Variants in ERBB4 observed in about 807,000 individuals in gnomAD.
ERBB4 encodes the protein receptor tyrosine-protein kinase erbB-4.
Under a neutral mutation model 158.0 loss-of-function variants are expected in ERBB4, and 42 were observed. That is an observed-to-expected ratio of 0.27 (90% CI 0.21 to 0.34). The LOEUF is 0.34. Ranked by LOEUF, ERBB4 falls within the 10% of genes least tolerant of loss-of-function variation. The pLI is 1.00. For synonymous variants in ERBB4, 583 were observed against 558.7 expected, an observed-to-expected ratio of 1.04 and a Z score of -0.61; for missense variants, 1,333 against 1,624.1, an observed-to-expected ratio of 0.82 and a Z score of 3.08.
rs535386957 is a variant in ERBB4 at position 212,055,473 on chromosome 2, C to T, written c.234+69279G>A. 1.3e-4 allele frequency among the ~76,000 whole-genome samples: 20 copies of T among 152,342 alleles called. 1 individual carries two copies. The South Asian group carries it at 2.9e-3, about 22-fold the overall frequency. On this transcript the variant is annotated intron_variant, in intron 2 of 27. Coordinates refer to ENST00000342788, the MANE Select transcript of ERBB4 (RefSeq NM_005235.3). ...AGTCTGAGATCTGAGAATGGATAGA[C>T]AGCCCCCTCAAGTGGGTACCTGACC...
At chr2:212,493,299 TTATA>T (rs1283120102) in intron 1 of ERBB4, among the ~76,000 whole-genome samples, 5 of 151,550 alleles carry the variant, frequency 3.3e-5, no homozygotes, top group African/African-American at 4.8e-5. Flanking sequence ...AAAAATCATC[TTATA>T]TATATTCAAA....
chr2:212,228,539 G>T (rs1360170116), intron 1 of ERBB4, among the ~76,000 whole-genome samples: 1 of 152,078 alleles, frequency 6.6e-6, no homozygotes, highest in Non-Finnish European at 1.5e-5. Flanking sequence ...ATTTTTATGG[G>T]ACTATTGTAT....
At chr2:212,044,751 C>T (rs1327205757) in intron 2 of ERBB4, among the ~76,000 whole-genome samples, 4 of 152,048 alleles carry the variant, frequency 2.6e-5, no homozygotes, top group East Asian at 1.9e-4. Flanking sequence ...AAACTGATAC[C>T]CTTATAGTTC....
intron 1 of ERBB4, among the ~76,000 whole-genome samples, chr2:212,406,440 A>T (rs939810860): frequency 1.6e-4 from 25 of 152,314 alleles, no homozygotes; most frequent in Admixed American, 3.9e-4. Flanking sequence ...TCTTGGTATA[A>T]AATGAGAACA....
chr2:211,580,866 C>CATATATATATATATAT (rs56892079), intron 19 of ERBB4, among the ~76,000 whole-genome samples: 2 of 64,184 alleles, frequency 3.1e-5, no homozygotes, highest in Non-Finnish European at 2.6e-5. Flanking sequence ...TATGCATATA[C>CATATATATATATATAT]ATATATATAT....
Position 211,734,008 on chromosome 2 carries a change from C to T in ERBB4, c.623-8814G>A, listed in dbSNP as rs74266948. Reference sequence around the variant, plus strand: ...AGCGAGCTGAGATCATGCCACTGTCCTCCAGCCTGGGCCATGCAGCAGAAA... The same window carrying T: ...AGCGAGCTGAGATCATGCCACTGTCTTCCAGCCTGGGCCATGCAGCAGAAA... On this transcript the variant is annotated intron_variant, in intron 5 of 27. Transcript: ENST00000342788. 3.3e-5 allele frequency among the ~76,000 whole-genome samples: 5 copies of T among 152,074 alleles called. No homozygotes were observed. The East Asian group carries it at 7.7e-4, about 24-fold the overall frequency.
intron 3 of ERBB4, among the ~76,000 whole-genome samples, chr2:211,850,319 A>G (rs1045252085): frequency 2.0e-5 from 3 of 151,876 alleles, no homozygotes; most frequent in Non-Finnish European, 4.4e-5. Flanking sequence ...GAAGCAGTAT[A>G]TATGCCTTTT....
intron 3 of ERBB4, among the ~76,000 whole-genome samples, chr2:211,901,741 C>A (rs1313368309): frequency 6.6e-6 from 1 of 151,974 alleles, no homozygotes; most frequent in Non-Finnish European, 1.5e-5. Context: ...AGCCTAATAG[C>A]TTTTTTCCTA....
At chr2:211,461,261 TAAG>T (rs1347076893) in intron 20 of ERBB4, among the ~76,000 whole-genome samples, 1 of 152,086 alleles carries the variant, frequency 6.6e-6, no homozygotes, top group Non-Finnish European at 1.5e-5. Flanking sequence ...TGCCAAAAAA[TAAG>T]GAGAAATGTT....
intron 20 of ERBB4, among the ~76,000 whole-genome samples, chr2:211,462,192 G>A (rs1418080943): frequency 6.6e-6 from 1 of 151,936 alleles, no homozygotes; most frequent in Non-Finnish European, 1.5e-5. Flanking sequence ...TACATGGCCA[G>A]AGCAGGAGAA....
chr2:212,062,264 T>C (rs2125424807), intron 2 of ERBB4, among the ~76,000 whole-genome samples: 2 of 152,252 alleles, frequency 1.3e-5, no homozygotes, highest in Middle Eastern at 3.4e-3. Flanking sequence ...ACTGCTTTTC[T>C]ACAGATCTCC....
chr2:212,293,352 A>T (rs139694748), intron 1 of ERBB4, among the ~76,000 whole-genome samples: 2 of 151,920 alleles, frequency 1.3e-5, no homozygotes, highest in Non-Finnish European at 2.9e-5. Context: ...AGCATATATT[A>T]AAAATATTCC....
chr2:212,031,880 T>C (rs1000256879), intron 2 of ERBB4, among the ~76,000 whole-genome samples: 2 of 152,054 alleles, frequency 1.3e-5, no homozygotes, highest in African/African-American at 4.8e-5. Context: ...GCAAAGATTA[T>C]TATGGCAATT....
At chr2:212,021,128 GTTTAC>G (rs979963345) in intron 2 of ERBB4, among the ~76,000 whole-genome samples, 3 of 152,004 alleles carry the variant, frequency 2.0e-5, no homozygotes, top group Non-Finnish European at 4.4e-5. Flanking sequence ...CCTGATAGAT[GTTTAC>G]TTTTCTCTTC....
chr2:212,370,442 A>G (rs1435563894), intron 1 of ERBB4, among the ~76,000 whole-genome samples: 1 of 152,180 alleles, frequency 6.6e-6, no homozygotes, highest in Non-Finnish European at 1.5e-5. Flanking sequence ...CCAAAAATCT[A>G]ATTACAATAA....
At position 211,437,525 on chromosome 2, in the gene ERBB4, T is replaced by A. The variant is rs72949632; in HGVS notation, c.2488-6425A>T. 1.9e-3 allele frequency among the ~76,000 whole-genome samples: 288 copies of A among 152,308 alleles called. 1 individual carries two copies. The highest frequency in any genetic ancestry group is 3.2e-3 in the Non-Finnish European group (220 of 68,020). On this transcript the variant is annotated intron_variant, in intron 20 of 27. Coordinates refer to ENST00000342788, the MANE Select transcript of ERBB4 (RefSeq NM_005235.3). Reference sequence around the variant, plus strand: ...AGTCACAACAATCTGGCAAAAAGCATTATTTTTGTTTTAATTCAATGTGAA... The same window carrying A: ...AGTCACAACAATCTGGCAAAAAGCAATATTTTTGTTTTAATTCAATGTGAA...
intron 25 of ERBB4, among the ~76,000 whole-genome samples, chr2:211,402,049 T>C (rs2063054580): frequency 6.6e-6 from 1 of 151,942 alleles, no homozygotes; most frequent in East Asian, 1.9e-4. Context: ...TACATGGTCT[T>C]ATGAACATAT....
intron 19 of ERBB4, among the ~76,000 whole-genome samples, chr2:211,599,605 A>T (rs940625131): frequency 2.0e-5 from 3 of 148,494 alleles, no homozygotes; most frequent in African/African-American, 7.5e-5. Context: ...GCAGTTGTTA[A>T]ATGTCTTCTT....
At position 211,678,017 on chromosome 2, in the gene ERBB4, T is replaced by G. The variant is rs1442241021; in HGVS notation, c.1622+1035A>C. Among the ~76,000 whole-genome samples, 5 of 152,194 alleles carry G rather than the reference T, an allele frequency of 3.3e-5. No homozygotes were observed. In the East Asian group the frequency reaches 9.6e-4, roughly 29 times the overall value. ...GACAAGAATGATGCATCAAATAGTA[T>G]GTTATGATAAAGTGATTTTATGAAT... is the stretch of plus-strand genomic sequence containing the variant. On this transcript the variant is annotated intron_variant, in intron 13 of 27. Transcript: ENST00000342788.
Sources: allele counts gnomAD v4.1 joint callset (sites outside exome capture counted in the v4.1 genomes callset), GRCh38; gene constraint gnomAD v4.1.1; transcripts MANE v1.5; gene names NCBI Gene and HGNC (gene_info 2026-07-23, HGNC 2026-07-21).